Variants in NRF1 observed in about 807,000 individuals in gnomAD.
NRF1 encodes the protein alpha palindromic-binding protein.
NRF1 carries 5 observed loss-of-function variants against 58.5 expected under a neutral mutation model. The ratio of observed to expected loss-of-function variants is 0.09; its 90% CI spans 0.04 to 0.18. The LOEUF (loss-of-function observed/expected upper bound fraction) is 0.18. NRF1 is among the 10% of genes least tolerant of loss of function. NRF1 has a pLI of 1.00. For missense variants in NRF1, 288 were observed against 657.7 expected (o/e 0.44, Z 6.15); for synonymous variants, 224 against 246.7 (o/e 0.91, Z 0.86).
In NRF1 at chr7:129,741,763, G is replaced by A. The variant is rs776878079; in HGVS notation, c.1349-13255G>A. Among the ~76,000 whole-genome samples, 10 of 152,196 alleles carry A rather than the reference G, an allele frequency of 6.6e-5. No homozygotes were observed. Among genetic ancestry groups the A allele is most frequent in the South Asian group, 2.1e-4 (1 of 4,828 alleles). On this transcript the variant is annotated intron_variant, in intron 10 of 10. Coordinates refer to ENST00000393232, the MANE Select transcript of NRF1 (RefSeq NM_005011.5). The surrounding 1 kb of genome is among the most constrained non-coding windows in gnomAD (Gnocchi z 4.0). ...TATTAACTCTAATAGCTTGTCCCTC[G>A]CAGCCAGGATGGTTTGGGGCCCTCT...
At chr7:129,662,157 G>A (rs1380936605) in intron 2 of NRF1, among the ~76,000 whole-genome samples, 1 of 151,842 alleles carries the variant, frequency 6.6e-6, no homozygotes, top group Non-Finnish European at 1.5e-5. Flanking sequence ...CCCACAACAT[G>A]TGGGAGTTAT....
intron 10 of NRF1, among the ~76,000 whole-genome samples, chr7:129,733,189 C>A (rs907501900): frequency 6.6e-6 from 1 of 152,116 alleles, no homozygotes; most frequent in Non-Finnish European, 1.5e-5. Flanking sequence ...TAAAACCTGC[C>A]GTGTGCGGTG....
At chr7:129,704,313 GC>G (rs1802901258) in intron 5 of NRF1, among the ~76,000 whole-genome samples, 1 of 151,864 alleles carries the variant, frequency 6.6e-6, no homozygotes, top group Admixed American at 6.6e-5. Flanking sequence ...GCCGCCTTCT[GC>G]TTTTTTCCAC....
At chr7:129,740,267 G>A (rs1279563811) in intron 10 of NRF1, among the ~76,000 whole-genome samples, 2 of 152,152 alleles carry the variant, frequency 1.3e-5, no homozygotes, top group South Asian at 2.1e-4. Flanking sequence ...CTGGGGCATT[G>A]GAGGCATGCA....
Position 129,671,555 on chromosome 7 carries a change from C to T in NRF1, c.338+12C>T. On this transcript the variant is annotated intron_variant, in intron 3 of 10. Coordinates refer to ENST00000393232, the MANE Select transcript of NRF1 (RefSeq NM_005011.5). Reference sequence around the variant, plus strand: ...ACACGTTTGCTTCGGTGAGGGCTCCCTTATCCATATTGTTACTATTCCTCA... The same window carrying T: ...ACACGTTTGCTTCGGTGAGGGCTCCTTTATCCATATTGTTACTATTCCTCA... 1 of 1,365,636 alleles carries T rather than the reference C, an allele frequency of 7.3e-7. No individual in the cohort carries two copies. The highest frequency in any genetic ancestry group is 2.3e-5 in the East Asian group (1 of 43,784). The allele number at this position is 1,365,636 out of a possible 1,614,324, so 84.6% of individuals were successfully genotyped here.
chr7:129,642,865 A>G (rs1801325571), intron 1 of NRF1, among the ~76,000 whole-genome samples: 1 of 150,510 alleles, frequency 6.6e-6, no homozygotes, highest in African/African-American at 2.4e-5. Context: ...GGCTCACTCC[A>G]TCCTCCCACC....
chr7:129,696,059 C>CT (rs1802685786), intron 5 of NRF1, among the ~76,000 whole-genome samples: 1 of 9,742 alleles, frequency 1.0e-4, no homozygotes, highest in Non-Finnish European at 2.2e-4. Flanking sequence ...CCCGTCTCTA[C>CT]TAAAAAAAAA....
intron 1 of NRF1, among the ~76,000 whole-genome samples, chr7:129,636,243 C>A (rs776180225): frequency 2.2e-4 from 34 of 151,646 alleles, no homozygotes; most frequent in African/African-American, 4.8e-4. Flanking sequence ...GGTTTTTTTC[C>A]TTTTTTTTCA....
chr7:129,709,950 G>A (rs557291734), intron 6 of NRF1, among the ~76,000 whole-genome samples: 47 of 151,908 alleles, frequency 3.1e-4, no homozygotes, highest in Non-Finnish European at 5.9e-4. Context: ...GGCTGGTCTC[G>A]AACTCCCGAC....
intron 1 of NRF1, among the ~76,000 whole-genome samples, chr7:129,640,129 A>C (rs1801256967): frequency 6.6e-6 from 1 of 152,140 alleles, no homozygotes; most frequent in African/African-American, 2.4e-5. Flanking sequence ...GGTGGGGTTG[A>C]GGGTTGAGGG....
chr7:129,716,474 A>G (rs1423724182), intron 8 of NRF1, among the ~76,000 whole-genome samples: 3 of 152,044 alleles, frequency 2.0e-5, no homozygotes, highest in Non-Finnish European at 4.4e-5. Context: ...AAACTTTATT[A>G]TGTATTTATT....
At chr7:129,746,839 T>C (rs928928735) in intron 10 of NRF1, among the ~76,000 whole-genome samples, 121 of 152,366 alleles carry the variant, frequency 7.9e-4, no homozygotes, top group Non-Finnish European at 1.1e-3. Context: ...TTATTATTTG[T>C]TTAGCTCTCT....
At chr7:129,628,510 CTT>C (rs1800972655) in intron 1 of NRF1, among the ~76,000 whole-genome samples, 1 of 152,038 alleles carries the variant, frequency 6.6e-6, no homozygotes, top group Non-Finnish European at 1.5e-5. Context: ...TGAAAAACAA[CTT>C]TTTCAAAACA....
At chr7:129,728,490 A>G (rs1409620710) in intron 10 of NRF1, among the ~76,000 whole-genome samples, 3 of 151,694 alleles carry the variant, frequency 2.0e-5, no homozygotes, top group African/African-American at 7.3e-5. Flanking sequence ...AAAAAAAAAA[A>G]AAAACCAATC....
chr7:129,652,816 TCTC>T (rs1462573614), intron 1 of NRF1, among the ~76,000 whole-genome samples: 2 of 152,150 alleles, frequency 1.3e-5, no homozygotes, highest in African/African-American at 2.4e-5. Context: ...ATGGTCTCGA[TCTC>T]CTGACCTCGT....
At chr7:129,669,144 A>C (rs1584625041) in intron 2 of NRF1, among the ~76,000 whole-genome samples, 1 of 152,038 alleles carries the variant, frequency 6.6e-6, no homozygotes, top group East Asian at 1.9e-4. Flanking sequence ...ATGGGGTTTC[A>C]CCATATTGGC....
chr7:129,663,586 G>A (rs1040877834), intron 2 of NRF1, among the ~76,000 whole-genome samples: 5 of 148,760 alleles, frequency 3.4e-5, no homozygotes, highest in African/African-American at 1.0e-4. Flanking sequence ...AGGCAGAGAC[G>A]CTCCTCACTT....
Position 129,669,046 on chromosome 7 carries a change from C to G in NRF1, c.224-2383C>G, listed in dbSNP as rs958187712. On this transcript the variant is annotated intron_variant, in intron 2 of 10. Coordinates refer to ENST00000393232, the MANE Select transcript of NRF1 (RefSeq NM_005011.5). ...CACTGCAACCTCCACCTCCCAGATT[C>G]AAGCGATTTTCCTGCCTCAGTCTCC... is the stretch of plus-strand genomic sequence containing the variant. Among the ~76,000 whole-genome samples, 193 of 152,244 alleles carry G rather than the reference C, an allele frequency of 1.3e-3. 4 individuals carry two copies. Among genetic ancestry groups the G allele is most frequent in the Non-Finnish European group, 2.9e-4 (20 of 68,024 alleles).
At chr7:129,720,263 T>C (rs1803289766) in intron 9 of NRF1, among the ~76,000 whole-genome samples, 2 of 152,178 alleles carry the variant, frequency 1.3e-5, no homozygotes, top group Admixed American at 6.5e-5. Context: ...AGCAGACTAT[T>C]AGGGGAATAT....
Sources: allele counts gnomAD v4.1 joint callset (sites outside exome capture counted in the v4.1 genomes callset), GRCh38; gene constraint gnomAD v4.1.1; non-coding constraint Gnocchi (gnomAD v3.1); transcripts MANE v1.5; gene names NCBI Gene and HGNC (gene_info 2026-07-23, HGNC 2026-07-21).